PTPRD: variants seen among roughly 807,000 people sequenced by gnomAD.
The protein encoded by PTPRD is protein tyrosine phosphatase receptor type D.
Under a neutral mutation model 214.5 loss-of-function variants are expected in PTPRD, and 34 were observed. That is an observed-to-expected ratio of 0.16 (90% CI 0.12 to 0.21). The LOEUF is 0.21. PTPRD is among the 10% of genes least tolerant of loss of function. PTPRD has a pLI of 1.00. For synonymous variants in PTPRD, 1,128 were observed against 845.7 expected, an observed-to-expected ratio of 1.33 and a Z score of -5.79; for missense variants, 2,545 against 2,398.7, an observed-to-expected ratio of 1.06 and a Z score of -1.27.
intron 2 of PTPRD, among the ~76,000 whole-genome samples, chr9:10,393,507 G>A (rs932750690): frequency 7.9e-5 from 12 of 151,352 alleles, no homozygotes. Context: ...AGAAACTGAT[G>A]GGGCCAGGTA....
chr9:9,899,287 C>G (rs994869386), intron 5 of PTPRD, among the ~76,000 whole-genome samples: 2 of 151,896 alleles, frequency 1.3e-5, no homozygotes, highest in African/African-American at 4.8e-5. Flanking sequence ...GAAAAAAGTA[C>G]TGTACTTCTG....
intron 10 of PTPRD, among the ~76,000 whole-genome samples, chr9:9,114,053 A>G (rs2099809751): frequency 6.6e-6 from 1 of 152,166 alleles, no homozygotes; most frequent in African/African-American, 2.4e-5. Flanking sequence ...GGTGAGAATC[A>G]CTATAAGAGA....
intron 10 of PTPRD, 57 bp from the exon 11 acceptor site, chr9:9,018,792 A>T (rs981198284): frequency 6.6e-5 from 10 of 152,204 alleles, no homozygotes; most frequent in African/African-American, 2.4e-4. Flanking sequence ...CTATTAAAAT[A>T]CTGCTCATTT....
rs759831182 is a variant in PTPRD, at chr9:8,492,945, G to C, written c.2384C>G (p.Ser795Cys). The part of the protein sequence containing the change: ...MIISGLQPET[S>C]YSLTVTAYTT... The stretch of plus-strand genomic sequence containing the variant: ...GTAGGCTGTGACGGTGAGGGAGTAG[G>C]AAGTTTCAGGCTGGAGCCCAGAAAT... The change falls in exon 27 of 46, where the codon TCC (serine) becomes TGC (cysteine). Residue 795 changes from serine (S) to cysteine (C), a missense_variant. Physicochemically the swap from Ser to Cys is moderately radical, Grantham distance 112. Transcript: ENST00000381196. 1 of 1,613,618 alleles carries C rather than the reference G, an allele frequency of 6.2e-7. No homozygotes were observed. Among genetic ancestry groups the C allele is most frequent in the East Asian group, 2.2e-5 (1 of 44,886 alleles).
chr9:9,865,817 G>A (rs992285596), intron 5 of PTPRD, among the ~76,000 whole-genome samples: 9 of 152,144 alleles, frequency 5.9e-5, no homozygotes, highest in Non-Finnish European at 1.2e-4. Context: ...CATTTTAGCC[G>A]ATTAAAGATA....
intron 11 of PTPRD, among the ~76,000 whole-genome samples, chr9:8,771,701 T>C (rs139288579): frequency 3.3e-5 from 5 of 152,272 alleles, no homozygotes; most frequent in African/African-American, 1.2e-4. Flanking sequence ...TAAAGGATAA[T>C]TATAAGAGAA....
At chr9:9,677,491 A>G (rs1343301671) in intron 7 of PTPRD, among the ~76,000 whole-genome samples, 1 of 152,162 alleles carries the variant, frequency 6.6e-6, no homozygotes, top group Non-Finnish European at 1.5e-5. Context: ...CAATAGATGC[A>G]GAAAAGGCCT....
At chr9:10,159,675 C>G (rs183284273) in intron 3 of PTPRD, among the ~76,000 whole-genome samples, 5 of 148,724 alleles carry the variant, frequency 3.4e-5, no homozygotes, top group African/African-American at 1.2e-4. Context: ...TTTTTAAAAT[C>G]AAACAGAAAT....
chr9:9,738,333 T>G (rs538077723), intron 6 of PTPRD, among the ~76,000 whole-genome samples: 2 of 152,258 alleles, frequency 1.3e-5, no homozygotes, highest in South Asian at 4.1e-4. Flanking sequence ...AGTTTTAATG[T>G]TTGTCTCCCT....
chr9:9,843,037 T>C (rs2058702318), intron 5 of PTPRD, among the ~76,000 whole-genome samples: 1 of 152,132 alleles, frequency 6.6e-6, no homozygotes, highest in Non-Finnish European at 1.5e-5. Context: ...CTAACACTTG[T>C]GTTCATAAAT....
intron 3 of PTPRD, among the ~76,000 whole-genome samples, chr9:10,100,528 G>C (rs1215460111): frequency 6.6e-6 from 1 of 151,644 alleles, no homozygotes; most frequent in Non-Finnish European, 1.5e-5. Context: ...AGAGCCACTG[G>C]AAGTCATTTA....
intron 5 of PTPRD, among the ~76,000 whole-genome samples, chr9:9,847,978 A>G (rs1361014218): frequency 6.6e-6 from 1 of 152,168 alleles, no homozygotes; most frequent in South Asian, 2.1e-4. Flanking sequence ...CGAAAATCAC[A>G]CAAAGGCAGT....
At chr9:9,972,604 A>G (rs1330806445) in intron 4 of PTPRD, among the ~76,000 whole-genome samples, 1 of 152,206 alleles carries the variant, frequency 6.6e-6, no homozygotes, top group African/African-American at 2.4e-5. Context: ...GAAAGAACAC[A>G]AATTTGTTAT....
chr9:9,522,968 T>G (rs2097024605), intron 8 of PTPRD, among the ~76,000 whole-genome samples: 1 of 152,146 alleles, frequency 6.6e-6, no homozygotes, highest in Non-Finnish European at 1.5e-5. Context: ...GGTCCGACCA[T>G]CTATCTATGG....
intron 2 of PTPRD, among the ~76,000 whole-genome samples, chr9:10,408,114 T>C (rs1020676395): frequency 7.1e-4 from 108 of 151,562 alleles, no homozygotes; most frequent in Admixed American, 7.1e-3. Flanking sequence ...CTTGTTATCT[T>C]TGCTTGTGTT....
At chr9:10,017,619 A>G (rs1027387909) in intron 4 of PTPRD, among the ~76,000 whole-genome samples, 1 of 152,116 alleles carries the variant, frequency 6.6e-6, no homozygotes, top group Non-Finnish European at 1.5e-5. Flanking sequence ...TAGGAGGCCA[A>G]TTTTAATTTT....
At chr9:9,277,190 T>C (rs1225308280) in intron 9 of PTPRD, among the ~76,000 whole-genome samples, 1 of 151,452 alleles carries the variant, frequency 6.6e-6, no homozygotes, top group Non-Finnish European at 1.5e-5. Context: ...TTCAGAAATA[T>C]TTGTTAAATT....
In PTPRD at chr9:8,878,276, G is replaced by A. The variant is rs371158694; in HGVS notation, c.-104+140421C>T. On this transcript the variant is annotated intron_variant, in intron 11 of 45. Coordinates refer to ENST00000381196, the MANE Select transcript of PTPRD (RefSeq NM_002839.4). The stretch of plus-strand genomic sequence containing the variant: ...GTCCTTCTGTGTAATTCTTCATTCC[G>A]GGCACAGACAATACTTGGAGGGAAA... Among the ~76,000 whole-genome samples, 121 of 152,162 alleles carry A rather than the reference G, an allele frequency of 8.0e-4. 1 individual carries two copies. Among genetic ancestry groups the A allele is most frequent in the South Asian group, 3.1e-3 (15 of 4,810 alleles).
chr9:9,032,014 T>C (rs1172602322), intron 10 of PTPRD, among the ~76,000 whole-genome samples: 1 of 132,334 alleles, frequency 7.6e-6, no homozygotes, highest in Non-Finnish European at 1.8e-5. Flanking sequence ...TGAACTCCTG[T>C]AATCTTTTTT....
Sources: allele counts gnomAD v4.1 joint callset (sites outside exome capture counted in the v4.1 genomes callset), GRCh38; gene constraint gnomAD v4.1.1; transcripts MANE v1.5; gene names NCBI Gene and HGNC (gene_info 2026-07-23, HGNC 2026-07-21).